NEB: variants seen among roughly 807,000 people sequenced by gnomAD.
NEB encodes nebulin.
In NEB, 512 loss-of-function variants were observed where a neutral mutation model predicts 952.2. That is an observed-to-expected ratio of 0.54 (90% CI 0.50 to 0.58). The LOEUF is 0.58. Among genes scored for constraint, NEB ranks in the 20% least tolerant of loss-of-function variants. The probability of loss-of-function intolerance (pLI) is 0.00; values close to 1 mark genes in which losing one functional copy is unlikely to be tolerated. For missense variants in NEB, 8,428 were observed against 9,231.1 expected, an observed-to-expected ratio of 0.91 and a Z score of 3.56; for synonymous variants, 2,900 against 3,149.8, an observed-to-expected ratio of 0.92 and a Z score of 2.66.
chr2:151,554,343 T>C (rs940551301), intron 125 of NEB, among the ~76,000 whole-genome samples: 4 of 151,912 alleles, frequency 2.6e-5, no homozygotes, highest in Non-Finnish European at 5.9e-5. Flanking sequence ...GGAGAATTGC[T>C]TGAGCCCAGG....
chr2:151,572,693 G>A (rs906719170), intron 107 of NEB, among the ~76,000 whole-genome samples: 5 of 150,434 alleles, frequency 3.3e-5, no homozygotes, highest in Non-Finnish European at 7.4e-5. Flanking sequence ...TTACAGGTGA[G>A]CCACCACTAT....
intron 71 of NEB, among the ~76,000 whole-genome samples, chr2:151,621,982 T>C (rs772703974): frequency 3.3e-5 from 5 of 152,148 alleles, no homozygotes; most frequent in Non-Finnish European, 7.4e-5. Context: ...AATTAAGTTG[T>C]CTGGTAGAGT....
chr2:151,651,757 C>T (rs934065401), intron 52 of NEB, among the ~76,000 whole-genome samples: 7 of 152,230 alleles, frequency 4.6e-5, no homozygotes, highest in East Asian at 3.9e-4. Context: ...ACATGTTATA[C>T]GTTACATGAT....
intron 65 of NEB, 49 bp from the exon 66 acceptor site, chr2:151,631,395 TA>T (rs1214725769): frequency 6.5e-7 from 1 of 1,549,656 alleles, no homozygotes; most frequent in African/African-American, 1.4e-5. Context: ...CCACAATATT[TA>T]GGGTAAATAT....
At chr2:151,566,283 C>G (rs2096389037) in intron 114 of NEB, among the ~76,000 whole-genome samples, 1 of 152,172 alleles carries the variant, frequency 6.6e-6, no homozygotes, top group South Asian at 2.1e-4. Context: ...GGAGGCATCC[C>G]CTGGGTCCCA....
chr2:151,553,540 T>A, intron 126 of NEB, 38 bp from the exon 127 acceptor site: 20 of 1,349,464 alleles, frequency 1.5e-5, no homozygotes, highest in Non-Finnish European at 2.0e-5. Context: ...AAAAAAAAAA[T>A]TGACCATAAT....
intron 154 of NEB, 141 bp from the exon 155 acceptor site, chr2:151,519,210 AG>A (rs1462800362): frequency 1.5e-6 from 1 of 671,890 alleles, no homozygotes; most frequent in Non-Finnish European, 2.7e-6. Context: ...AGTAGCCAGA[AG>A]GCAGAAACAA....
At chr2:151,667,451 T>C (rs1333616111) in intron 40 of NEB, among the ~76,000 whole-genome samples, 3 of 152,080 alleles carry the variant, frequency 2.0e-5, no homozygotes, top group Non-Finnish European at 4.4e-5. Context: ...TAATTGGCAA[T>C]TAGGATTTTA....
intron 52 of NEB, among the ~76,000 whole-genome samples, chr2:151,651,727 C>T (rs1254964496): frequency 6.6e-6 from 1 of 152,142 alleles, no homozygotes; most frequent in Non-Finnish European, 1.5e-5. Flanking sequence ...ACAGCATTTA[C>T]TTGATGTTAG....
At chr2:151,524,259 G>T in intron 153 of NEB, 52 bp downstream of exon 153, 1 of 1,442,940 alleles carries the variant, frequency 6.9e-7, no homozygotes, top group Non-Finnish European at 9.7e-7. Context: ...TTCCTGCAAG[G>T]TCTTTTATAA....
In NEB at chr2:151,609,525, G is replaced by A. The variant is rs573326074; in HGVS notation, c.12330+284C>T. 4.1e-3 allele frequency among the ~76,000 whole-genome samples: 625 copies of A among 152,148 alleles called. 3 individuals carry two copies. Among genetic ancestry groups the A allele is most frequent in the African/African-American group, 0.014 (588 of 41,492 alleles). On this transcript the variant is annotated intron_variant, in intron 81 of 181. Transcript: ENST00000397345. The stretch of plus-strand genomic sequence containing the variant: ...AATTAGATTCCATTTTAATCCTGTG[G>A]CAATTGACCCAAGGAAATGCTGTTT...
At chr2:151,548,161 G>T in intron 131 of NEB, 147 bp downstream of exon 131, 1 of 688,606 alleles carries the variant, frequency 1.5e-6, no homozygotes, top group Non-Finnish European at 2.5e-6. Context: ...AGAAATATCA[G>T]TATCAAAATG....
rs191935844 is a variant in NEB at position 151,534,446 on chromosome 2, G to C, written c.21313-900C>G. ...AGTGGCGGGCTCCCAACATACCCAA[G>C]ACAATAAAAACAGGGAAGCAAAGAG... On this transcript the variant is annotated intron_variant, in intron 142 of 181. Coordinates refer to ENST00000397345, the MANE Select transcript of NEB (RefSeq NM_001164508.2). 80 of 741,124 alleles carry C rather than the reference G, an allele frequency of 1.1e-4. No individual in the cohort carries two copies. In the African/African-American group the frequency reaches 1.2e-3, roughly 11 times the overall value. The allele number at this position is 741,124 out of a possible 1,614,324, so 45.9% of individuals were successfully genotyped here. A position where few individuals can be genotyped will look rare whatever the true frequency, so the allele number is the denominator to read the frequency against.
rs1328725798 is a variant in NEB, at chr2:151,492,412, C to T, written c.24848G>A (p.Arg8283Lys). 1.2e-6 allele frequency: 2 copies of T among 1,608,776 alleles called. No individual in the cohort carries two copies. The highest frequency in any genetic ancestry group is 1.7e-5 in the Admixed American group (1 of 59,170). The change falls in exon 177 of 182, where the codon AGG (arginine) becomes AAG (lysine). Residue 8283 changes from arginine (R) to lysine (K), a missense_variant. By Grantham distance (26) the Arg-to-Lys change is conservative (BLOSUM62 2). Transcript: ENST00000397345. The part of the protein sequence containing the change: ...VLDTPEMRRV[R>K]ETQRHISTVK... ...CGTTGAGATGTGCCGTTGGGTCTCC[C>T]TCACCCGTCTCATCTCGGGGGTATC...
At chr2:151,678,228 T>C (rs766589842) in intron 32 of NEB, 41 bp from the exon 33 acceptor site, 2 of 1,345,394 alleles carry the variant, frequency 1.5e-6, no homozygotes, top group Admixed American at 4.6e-5. Flanking sequence ...AATGTAGTTT[T>C]GAGGGCTTTA....
At chr2:151,631,381 A>G (rs2098663705) in intron 65 of NEB, 35 bp from the exon 66 acceptor site, 1 of 1,582,644 alleles carries the variant, frequency 6.3e-7, no homozygotes, top group East Asian at 2.2e-5. Flanking sequence ...ACTCTTCATC[A>G]AGACCACAAT....
At chr2:151,595,404 A>G (rs1426923199) in intron 92 of NEB, among the ~76,000 whole-genome samples, 1 of 152,000 alleles carries the variant, frequency 6.6e-6, no homozygotes, top group African/African-American at 2.4e-5. Flanking sequence ...GGCTCCCGCC[A>G]CCACGCCCAG....
intron 150 of NEB, among the ~76,000 whole-genome samples, chr2:151,525,696 T>C (rs1391095858): frequency 6.6e-6 from 1 of 152,206 alleles, no homozygotes; most frequent in Non-Finnish European, 1.5e-5. Flanking sequence ...CAATGTTTCC[T>C]TCTGTTATTA....
At chr2:151,671,278 G>A (rs766615512) in intron 37 of NEB, 49 bp from the exon 38 acceptor site, 15 of 1,481,826 alleles carry the variant, frequency 1.0e-5, no homozygotes, top group East Asian at 2.3e-5. Flanking sequence ...GAATATTCAA[G>A]GGATGTTTCT....
Sources: gnomAD v4.1 joint callset for allele counts (sites outside exome capture counted in the v4.1 genomes callset) on GRCh38, gnomAD v4.1.1 for gene constraint, MANE v1.5 for transcripts, NCBI Gene and HGNC (gene_info 2026-07-23, HGNC 2026-07-21) for gene names.